The following PTBP3 variants were observed in gnomAD, a reference collection of about 807,000 sequenced individuals.
The protein encoded by PTBP3 is polypyrimidine tract-binding protein 3.
PTBP3 carries 20 observed loss-of-function variants against 58.7 expected under a neutral mutation model. The ratio of observed to expected loss-of-function variants is 0.34; its 90% CI spans 0.24 to 0.50. The LOEUF is 0.50. PTBP3 is among the 20% of genes least tolerant of loss of function. PTBP3 has a pLI of 0.98. For synonymous variants in PTBP3, 185 were observed against 219.8 expected, an observed-to-expected ratio of 0.84 and a Z score of 1.40; for missense variants, 509 against 637.2, an observed-to-expected ratio of 0.80 and a Z score of 2.17.
chr9:112,354,307 C>T, the PTBP3 span, among the ~76,000 whole-genome samples: 1 of 152,262 alleles, frequency 6.6e-6, no homozygotes, highest in South Asian at 2.1e-4. Context: ...GTTGTTCTCC[C>T]GTATCAATAT....
chr9:112,345,979 C>A, the PTBP3 span, among the ~76,000 whole-genome samples: 2 of 151,942 alleles, frequency 1.3e-5, no homozygotes, highest in South Asian at 4.1e-4. Flanking sequence ...CCTCAGCCTC[C>A]CAAGTAGCTG....
chr9:112,372,396 T>C, the PTBP3 span, among the ~76,000 whole-genome samples: 2 of 152,278 alleles, frequency 1.3e-5, no homozygotes, highest in South Asian at 4.1e-4. Flanking sequence ...AATTTTTTTG[T>C]TTAAAAAAAC....
At chr9:112,367,976 G>GT in the PTBP3 span, among the ~76,000 whole-genome samples, 21 of 151,170 alleles carry the variant, frequency 1.4e-4, no homozygotes, top group African/African-American at 2.2e-4. Flanking sequence ...GCTTTCTTCA[G>GT]TTTTTTTTTC....
At position 112,305,260 on chromosome 9, in the gene PTBP3, CTTT is replaced by C. The variant is rs35187927; in HGVS notation, c.-51-7347_-51-7345del. On this transcript the variant is annotated intron_variant, in intron 1 of 13. Coordinates refer to ENST00000374257, the MANE Select transcript of PTBP3 (RefSeq NM_001163788.4). The stretch of plus-strand genomic sequence containing the variant: ...CCTTGAAATATCATGCCTGAAAGGA[CTTT>C]TTTTTTTTTTTTTTCTGCCTAGTGG... Among the ~76,000 whole-genome samples, 12 of 130,126 alleles carry C rather than the reference CTTT, an allele frequency of 9.2e-5. No individual in the cohort carries two copies. The South Asian group carries it at 1.3e-3, about 14-fold the overall frequency. 85.4% of individuals were successfully genotyped at this position (130,126 alleles called of 152,430 possible). A position where few individuals can be genotyped will look rare whatever the true frequency, so the allele number is the denominator to read the frequency against.
chr9:112,268,253 T>C (rs1234407665), intron 3 of PTBP3, 58 bp from the exon 4 acceptor site: 3 of 1,545,192 alleles, frequency 1.9e-6, no homozygotes, highest in Non-Finnish European at 2.6e-6. Flanking sequence ...ACAGTTAAGA[T>C]ATATTTTGCC....
intron 1 of PTBP3, chr9:112,332,922 C>T: frequency 6.4e-7 from 1 of 1,551,212 alleles, no homozygotes; most frequent in Non-Finnish European, 8.7e-7. Flanking sequence ...TCGGCCAAGT[C>T]CCGCGGCGGC....
intron 1 of PTBP3, chr9:112,298,583 T>C (rs750622216): frequency 9.8e-6 from 5 of 509,890 alleles, no homozygotes; most frequent in African/African-American, 3.9e-5. Context: ...ATAAATACTA[T>C]GTACAAAGTT....
chr9:112,290,224 A>G (rs1828328643), intron 2 of PTBP3, among the ~76,000 whole-genome samples: 1 of 151,466 alleles, frequency 6.6e-6, no homozygotes, highest in Non-Finnish European at 1.5e-5. Flanking sequence ...AAACAACCCA[A>G]TAGAAGAATA....
upstream of PTBP3, among the ~76,000 whole-genome samples, chr9:112,338,662 T>C (rs988665466): frequency 6.6e-6 from 1 of 152,250 alleles, no homozygotes; most frequent in East Asian, 1.9e-4. Flanking sequence ...TGACACACAC[T>C]GACTCTGACC....
At position 112,254,193 on chromosome 9, in the gene PTBP3, C is replaced by T. The variant is rs138246118; in HGVS notation, c.517-1405G>A. Among the ~76,000 whole-genome samples the T allele has an allele frequency of 6.7e-3, 1,020 of 152,110 alleles. 7 individuals carry two copies. Among genetic ancestry groups the T allele is most frequent in the Non-Finnish European group, 0.011 (739 of 67,974 alleles). The stretch of plus-strand genomic sequence containing the variant: ...TAGAGATGAGGTCTCACTATGTTGG[C>T]CAGGCTGGTCTCAAACTCCTGAGCT... On this transcript the variant is annotated intron_variant, in intron 5 of 13. Transcript: ENST00000374257.
At chr9:112,280,929 C>T (rs570054485) in intron 2 of PTBP3, 8 of 152,088 alleles carry the variant, frequency 5.3e-5, no homozygotes, top group African/African-American at 1.9e-4. Flanking sequence ...TGAAAGATTT[C>T]AGTGGGATGG....
intron 3 of PTBP3, 27 bp from the exon 4 acceptor site, chr9:112,268,222 T>A (rs1229737566): frequency 6.3e-7 from 1 of 1,589,368 alleles, no homozygotes; most frequent in South Asian, 1.2e-5. Context: ...AAGGTAAAGT[T>A]AAAGCTCATC....
intron 5 of PTBP3, among the ~76,000 whole-genome samples, chr9:112,253,824 A>C (rs1053624943): frequency 2.6e-5 from 4 of 152,102 alleles, no homozygotes; most frequent in African/African-American, 9.7e-5. Flanking sequence ...CCATGACTGT[A>C]AGTTTCCTGA....
At chr9:112,281,952 G>T (rs1409922241) in intron 2 of PTBP3, among the ~76,000 whole-genome samples, 1 of 152,090 alleles carries the variant, frequency 6.6e-6, no homozygotes, top group Admixed American at 6.6e-5. Context: ...TCTGGTGAGG[G>T]GTCTTCCTGT....
intron 2 of PTBP3, among the ~76,000 whole-genome samples, chr9:112,277,001 A>G (rs928320453): frequency 6.6e-6 from 1 of 152,228 alleles, no homozygotes; most frequent in African/African-American, 2.4e-5. Flanking sequence ...ATGCCTAAAA[A>G]TATCATTTCT....
upstream of PTBP3, among the ~76,000 whole-genome samples, chr9:112,334,931 C>T (rs573384947): frequency 7.7e-4 from 117 of 152,274 alleles, no homozygotes; most frequent in African/African-American, 2.7e-3. Context: ...ACCTCAGTCC[C>T]CTTCCAAAAT....
chr9:112,279,680 A>G (rs1473694014), intron 2 of PTBP3, among the ~76,000 whole-genome samples: 1 of 152,126 alleles, frequency 6.6e-6, no homozygotes, highest in African/African-American at 2.4e-5. Context: ...TGAACCCTAC[A>G]GATTACTACA....
Position 112,227,626 on chromosome 9 carries a change from T to G in PTBP3, c.1149A>C (p.Ala383=), listed in dbSNP as rs1648800640. ...QMADANQAQL[A]MNHLSGQRLY... is the part of the protein sequence containing the mutation. ...GTCTCTGACCACTTAGATGGTTCAT[T>G]GCTAGTGCATGGGAAGAAAATTTTA... The change falls in exon 12 of 14, where the codon GCA becomes GCC. Residue 383 remains alanine (A), a splice_region_variant and synonymous_variant. Transcript: ENST00000374257. The G allele has an allele frequency of 6.2e-7, 1 of 1,613,294 alleles. No individual in the cohort carries two copies. Among genetic ancestry groups the G allele is most frequent in the African/African-American group, 1.3e-5 (1 of 75,016 alleles).
At chr9:112,377,316 C>T in the PTBP3 span, among the ~76,000 whole-genome samples, 1 of 152,304 alleles carries the variant, frequency 6.6e-6, no homozygotes, top group South Asian at 2.1e-4. Context: ...TGCTGCTACA[C>T]TCCAGCCTGG....
Sources: allele counts gnomAD v4.1 joint callset (sites outside exome capture counted in the v4.1 genomes callset), GRCh38; gene constraint gnomAD v4.1.1; transcripts MANE v1.5; gene names NCBI Gene and HGNC (gene_info 2026-07-23, HGNC 2026-07-21).